Variants in SYNE2 observed in about 807,000 individuals in gnomAD.
SYNE2 encodes nesprin-2.
A neutral mutation model predicts 856.3 loss-of-function variants in SYNE2; 431 were observed. The ratio of observed to expected loss-of-function variants is 0.50; its 90% confidence interval spans 0.47 to 0.55. The LOEUF (loss-of-function observed/expected upper bound fraction) is 0.55, where lower values mean the gene tolerates loss of function less well. Ranked by LOEUF, SYNE2 falls within the 20% of genes least tolerant of loss-of-function variation. SYNE2 has a pLI of 0.00. For missense variants in SYNE2, 8,129 were observed against 8,023.2 expected (o/e 1.01, Z -0.50); for synonymous variants, 2,923 against 2,872.3 (o/e 1.02, Z -0.56).
intron 108 of SYNE2, 136 bp downstream of exon 108, chr14:64,216,523 G>A (rs770376942): frequency 1.2e-5 from 12 of 1,006,956 alleles, no homozygotes; most frequent in Non-Finnish European, 1.9e-5. Context: ...TATGGTGACA[G>A]TGTCTCTGTT....
In SYNE2 at chr14:64,141,322, T is replaced by C. The variant is rs1474354223; in HGVS notation, c.14977-19T>C. The C allele has an allele frequency of 6.2e-7, 1 of 1,604,092 alleles. No homozygotes were observed. The highest frequency in any genetic ancestry group is 1.3e-5 in the African/African-American group (1 of 74,526). ...TATATTTAAATTTTAAGTTTCTAAATTTTAAAACTCTCCTTTAGGAGTTTT... is the reference window on the plus strand; with the variant it reads ...TATATTTAAATTTTAAGTTTCTAAACTTTAAAACTCTCCTTTAGGAGTTTT... On this transcript the variant is annotated intron_variant, in intron 80 of 115. Transcript: ENST00000555002.
intron 59 of SYNE2, among the ~76,000 whole-genome samples, chr14:64,090,118 A>G (rs1038128362): frequency 6.6e-6 from 1 of 152,182 alleles, no homozygotes; most frequent in African/African-American, 2.4e-5. Context: ...ACTAAACAGC[A>G]GGCAAATGTT....
At chr14:63,764,252 G>A (rs1465900455) in intron 1 of SYNE2, among the ~76,000 whole-genome samples, 2 of 152,170 alleles carry the variant, frequency 1.3e-5, no homozygotes, top group Admixed American at 6.6e-5. Flanking sequence ...GTTTTGCAAA[G>A]AGCCCCACTG....
At position 64,202,167 on chromosome 14, in the gene SYNE2, C is replaced by T. The variant is rs1290724604; in HGVS notation, c.18039-634C>T. On this transcript the variant is annotated intron_variant, in intron 99 of 115. Coordinates refer to ENST00000555002, the MANE Select transcript of SYNE2 (RefSeq NM_182914.3). Reference sequence around the variant, plus strand: ...AGAACTGCGCTTGCGTGCAGATTTCCTTTGCCCCCTCCCTTTTAGACGGAC... The same window carrying T: ...AGAACTGCGCTTGCGTGCAGATTTCTTTTGCCCCCTCCCTTTTAGACGGAC... 5.7e-6 allele frequency: 4 copies of T among 702,028 alleles called. No individual in the cohort carries two copies. The Admixed American group carries it at 8.0e-5, about 14-fold the overall frequency. 43.5% of individuals were successfully genotyped at this position (702,028 alleles called of 1,614,324 possible). A position where few individuals can be genotyped will look rare whatever the true frequency, so the allele number is the denominator to read the frequency against.
chr14:63,826,287 C>T (rs35346524), intron 1 of SYNE2, among the ~76,000 whole-genome samples: 39 of 149,544 alleles, frequency 2.6e-4, no homozygotes, highest in Admixed American at 1.0e-3. Context: ...CCAAAAAAAT[C>T]AGTAGAAAAA....
chr14:64,187,950 T>G (rs2139550335), intron 97 of SYNE2, among the ~76,000 whole-genome samples: 1 of 152,348 alleles, frequency 6.6e-6, no homozygotes, highest in Middle Eastern at 3.4e-3. Context: ...TCAGCCTGCT[T>G]GCTGCAGACC....
At chr14:64,017,864 T>C (rs2096905480) in intron 34 of SYNE2, 108 bp downstream of exon 34, 1 of 1,097,734 alleles carries the variant, frequency 9.1e-7, no homozygotes, top group African/African-American at 1.6e-5. Context: ...GACTTTGTTA[T>C]CAAGAAAATC....
chr14:63,834,091 G>C (rs377426861), intron 1 of SYNE2, among the ~76,000 whole-genome samples: 7 of 152,256 alleles, frequency 4.6e-5, no homozygotes, highest in African/African-American at 1.7e-4. Context: ...TCTCCTTTGA[G>C]TAGGCACATT....
chr14:64,214,588 CTG>C, intron 106 of SYNE2, 118 bp downstream of exon 106: 2 of 958,442 alleles, frequency 2.1e-6, no homozygotes, highest in Non-Finnish European at 3.2e-6. Context: ...ACCCTGACTT[CTG>C]TGGTTTCCTG....
chr14:64,141,491 C>A lies in SYNE2; in HGVS notation c.15127C>A (p.Gln5043Lys). Residue 5043 changes from glutamine to lysine, a missense_variant, in exon 81 of 116, where the codon CAA becomes AAA. Gln to Lys is a moderately conservative substitution (Grantham distance 53). Coordinates refer to ENST00000555002, the MANE Select transcript of SYNE2 (RefSeq NM_182914.3). ...ACAAAAATGGACAATGCTCATAACT[C>A]AACTTCCAGATATTCAAGAAAAACT... ...FEQKWTMLIT[Q>K]LPDIQEKLHQ... The A allele has an allele frequency of 1.2e-6, 2 of 1,613,998 alleles. No individual in the cohort carries two copies. Among genetic ancestry groups the A allele is most frequent in the South Asian group, 1.1e-5 (1 of 91,054 alleles).
At chr14:64,019,970 C>T (rs1248185234) in intron 34 of SYNE2, 22 bp from the exon 35 acceptor site, 3 of 1,471,256 alleles carry the variant, frequency 2.0e-6, no homozygotes, top group South Asian at 1.1e-5. Flanking sequence ...AAGACACTAT[C>T]CTTTAAAATT....
intron 2 of SYNE2, among the ~76,000 whole-genome samples, chr14:63,922,774 C>T (rs1412740647): frequency 6.6e-6 from 1 of 152,132 alleles, no homozygotes; most frequent in Non-Finnish European, 1.5e-5. Flanking sequence ...TCTATTTAGA[C>T]AAGTATTTCA....
chr14:64,216,202 G>A (rs754961755), intron 107 of SYNE2, 46 bp from the exon 108 acceptor site: 37 of 1,612,422 alleles, frequency 2.3e-5, no homozygotes, highest in African/African-American at 6.7e-5. Context: ...CCCGTGACCC[G>A]TTCAGTAGGA....
At chr14:64,193,229 T>C (rs1391491030) in intron 99 of SYNE2, among the ~76,000 whole-genome samples, 1 of 152,214 alleles carries the variant, frequency 6.6e-6, no homozygotes, top group African/African-American at 2.4e-5. Flanking sequence ...GCTTTGGCCC[T>C]GTGGGCAGGG....
intron 25 of SYNE2, among the ~76,000 whole-genome samples, chr14:63,997,962 A>T (rs1044037759): frequency 6.6e-6 from 1 of 152,280 alleles, no homozygotes; most frequent in Non-Finnish European, 1.5e-5. Flanking sequence ...GACTATGGGT[A>T]TGGAGTCTCA....
chr14:63,990,888 G>T, intron 20 of SYNE2, 54 bp from the exon 21 acceptor site: 2 of 1,452,848 alleles, frequency 1.4e-6, no homozygotes, highest in Non-Finnish European at 9.6e-7. Context: ...GTTAACTTAA[G>T]AATTTATTAA....
intron 45 of SYNE2, chr14:64,034,396 AG>A (rs1207940969): frequency 7.2e-6 from 3 of 415,278 alleles, no homozygotes; most frequent in African/African-American, 4.0e-5. Context: ...TGGAATCCAG[AG>A]AGGCTTTTAT....
intron 64 of SYNE2, among the ~76,000 whole-genome samples, chr14:64,104,446 CTTTTTTTTTTT>C (rs34102150): frequency 8.4e-6 from 1 of 118,804 alleles, no homozygotes; most frequent in Non-Finnish European, 1.7e-5. Context: ...CCTGTTTTCT[CTTTTTTTTTTT>C]TTTTTTTTTT....
intron 66 of SYNE2, among the ~76,000 whole-genome samples, chr14:64,115,754 A>G (rs968140927): frequency 1.7e-4 from 26 of 152,208 alleles, no homozygotes; most frequent in Admixed American, 2.6e-4. Flanking sequence ...TTTATATAAC[A>G]TAACACAATA....
Sources: allele counts gnomAD v4.1 joint callset (sites outside exome capture counted in the v4.1 genomes callset), GRCh38; gene constraint gnomAD v4.1.1; transcripts MANE v1.5; gene names NCBI Gene and HGNC (gene_info 2026-07-23, HGNC 2026-07-21).